The following SALL1 variants were observed in gnomAD, a reference collection of about 807,000 sequenced individuals.
The protein encoded by SALL1 is spalt like transcription factor 1.
SALL1 carries 10 observed loss-of-function variants against 73.1 expected under a neutral mutation model. The ratio of observed to expected loss-of-function variants is 0.14; its 90% CI spans 0.08 to 0.23. SALL1 has a LOEUF of 0.23. Ranked by LOEUF, SALL1 falls within the 10% of genes least tolerant of loss-of-function variation. SALL1 has a pLI of 1.00. For missense variants in SALL1, 1,520 were observed against 1,697.3 expected, an observed-to-expected ratio of 0.90 and a Z score of 1.84; for synonymous variants, 688 against 689.8, an observed-to-expected ratio of 1.00 and a Z score of 0.04.
chr16:51,145,871 A>C (rs970874213), intron 1 of SALL1, among the ~76,000 whole-genome samples: 13 of 152,110 alleles, frequency 8.5e-5, no homozygotes, highest in African/African-American at 2.9e-4. Context: ...CATTATCTTA[A>C]GATTGCATTT....
intron 1 of SALL1, chr16:51,149,415 G>A (rs991906630): frequency 1.3e-5 from 2 of 152,228 alleles, no homozygotes; most frequent in Admixed American, 1.3e-4. Context: ...AGATGAGTGT[G>A]ACTGCGGGAA....
rs1962592326 is a variant in SALL1 at position 51,151,038 on chromosome 16, A to G, written c.76+128T>C. The G allele has an allele frequency of 5.9e-6, 3 of 509,670 alleles. No homozygotes were observed. In the African/African-American group the frequency reaches 6.0e-5, roughly 10 times the overall value. The allele number at this position is 509,670 out of a possible 1,614,324, so 31.6% of individuals were successfully genotyped here. On this transcript the variant is annotated intron_variant, in intron 1 of 2. Coordinates refer to ENST00000251020, the MANE Select transcript of SALL1 (RefSeq NM_002968.3). ...AGAAAAAAAAAATTACGCCGAGTGG[A>G]AGAAGCAATCGGGGCCGCGGCGGCG...
intron 2 of SALL1, among the ~76,000 whole-genome samples, chr16:51,138,137 A>G (rs1724003512): frequency 6.6e-6 from 1 of 152,230 alleles, no homozygotes; most frequent in Non-Finnish European, 1.5e-5. Context: ...CTAGAACTTA[A>G]GCATATTTGC....
intron 1 of SALL1, among the ~76,000 whole-genome samples, chr16:51,150,146 G>C (rs955340824): frequency 2.0e-5 from 3 of 152,184 alleles, no homozygotes; most frequent in African/African-American, 4.8e-5. Context: ...CCAACTCCCT[G>C]CCCGGATCTC....
chr16:51,148,796 T>C (rs1962553966), intron 1 of SALL1, among the ~76,000 whole-genome samples: 1 of 152,172 alleles, frequency 6.6e-6, no homozygotes, highest in African/African-American at 2.4e-5. Flanking sequence ...TGAAACCCTA[T>C]TACAAAATCT....
intron 2 of SALL1, among the ~76,000 whole-genome samples, 157 bp from the exon 3 acceptor site, chr16:51,137,709 T>C (rs1360728958): frequency 6.6e-6 from 1 of 152,194 alleles, no homozygotes; most frequent in Non-Finnish European, 1.5e-5. Flanking sequence ...TGACAGACAG[T>C]GAAGGCAACA....
At chr16:51,138,406 C>T (rs182731626) in intron 2 of SALL1, among the ~76,000 whole-genome samples, 14 of 152,150 alleles carry the variant, frequency 9.2e-5, no homozygotes, top group Admixed American at 5.2e-4. Context: ...GTGCACTTAG[C>T]GAGACAACAG....
upstream of SALL1, among the ~76,000 whole-genome samples, chr16:51,151,797 G>A (rs1245959540): frequency 6.6e-6 from 1 of 150,982 alleles, no homozygotes; most frequent in Non-Finnish European, 1.5e-5. Context: ...GCCCTCCCCG[G>A]AATTGAGCCG....
At chr16:51,147,207 A>T (rs1962530452) in intron 1 of SALL1, among the ~76,000 whole-genome samples, 1 of 152,264 alleles carries the variant, frequency 6.6e-6, no homozygotes, top group Non-Finnish European at 1.5e-5. Flanking sequence ...AATGTGATGT[A>T]AAATAAACCA....
Position 51,140,677 on chromosome 16 carries a change from C to T in SALL1, c.1545G>A (p.Glu515=), listed in dbSNP as rs1193027469. The change falls in exon 2 of 3, where the codon GAG becomes GAA. Residue 515 remains glutamate (E), a synonymous_variant. Coordinates refer to ENST00000251020, the MANE Select transcript of SALL1 (RefSeq NM_002968.3). This position sits in a 1 kb window ranked among gnomAD's most constrained non-coding sequence, Gnocchi z 5.7. Reference sequence around the variant, plus strand: ...TACTCGTGGGGATATTGTCCAAATGCTCAGGCACAGGATAGGGGTTCATCT... The same window carrying T: ...TACTCGTGGGGATATTGTCCAAATGTTCAGGCACAGGATAGGGGTTCATCT... The part of the protein sequence containing the change: ...HIQMNPYPVP[E]HLDNIPTSTG... 6.8e-6 allele frequency: 11 copies of T among 1,614,144 alleles called. No individual in the cohort carries two copies. Among genetic ancestry groups the T allele is most frequent in the Non-Finnish European group, 8.5e-6 (10 of 1,180,022 alleles).
At chr16:51,150,294 C>T in intron 1 of SALL1, 1 of 696,414 alleles carries the variant, frequency 1.4e-6, no homozygotes. Flanking sequence ...GCTGGCCACC[C>T]GCAAACCTGG....
intron 1 of SALL1, among the ~76,000 whole-genome samples, chr16:51,147,655 A>G (rs1023281380): frequency 1.3e-5 from 2 of 152,108 alleles, no homozygotes; most frequent in African/African-American, 4.8e-5. Context: ...TCATTCTTCC[A>G]ATATTATCTT....
Position 51,138,811 on chromosome 16 carries a change from G to T in SALL1, c.3411C>A (p.Asn1137Lys), listed in dbSNP as rs1251994624. ...PRRTPKQHYC[N>K]TCGKTFSSSS... Reference sequence around the variant, plus strand: ...ATGAGGAGAAGGTTTTGCCACATGTGTTGCAGTAGTGCTGCTTGGGAGTTC... The same window carrying T: ...ATGAGGAGAAGGTTTTGCCACATGTTTTGCAGTAGTGCTGCTTGGGAGTTC... The change falls in exon 2 of 3, where the codon AAC becomes AAA. Residue 1137 changes from asparagine (N) to lysine (K), a missense_variant. By Grantham distance (94) the Asn-to-Lys change is moderately conservative. Around this residue, in one of 7 missense-constraint regions of SALL1, gnomAD observed 318 missense variants for 357.1 expected, o/e 0.89. Coordinates refer to ENST00000251020, the MANE Select transcript of SALL1 (RefSeq NM_002968.3). The T allele has an allele frequency of 5.0e-6, 8 of 1,614,254 alleles. No individual in the cohort carries two copies. In the South Asian group the frequency reaches 8.8e-5, roughly 18 times the overall value.
chr16:51,142,279 A>G (rs1962455782), intron 1 of SALL1, 134 bp from the exon 2 acceptor site: 1 of 710,806 alleles, frequency 1.4e-6, no homozygotes, highest in African/African-American at 1.8e-5. Flanking sequence ...AAACCAATCA[A>G]TATTACCTAA....
intron 1 of SALL1, chr16:51,150,725 G>C: frequency 2.4e-6 from 1 of 420,634 alleles, no homozygotes; most frequent in East Asian, 1.5e-4. Flanking sequence ...CAGCAAGGCC[G>C]GGCGGCGGAG....
intron 1 of SALL1, among the ~76,000 whole-genome samples, chr16:51,148,965 C>T (rs1048279373): frequency 2.0e-5 from 3 of 151,932 alleles, no homozygotes; most frequent in Non-Finnish European, 4.4e-5. Context: ...CAGTTTACTG[C>T]TTCTTTAGGA....
In SALL1 at chr16:51,139,203, C is replaced by T. The variant is rs1962364979; in HGVS notation, c.3019G>A (p.Gly1007Ser). Reference protein sequence around the residue: ...KFKNTACDICGKTFACQSALD... With the variant: ...KFKNTACDICSKTFACQSALD... ...GCACTCTGACAAGCAAATGTTTTGC[C>T]ACAAATGTCACAAGCAGTGTTTTTA... is the stretch of plus-strand genomic sequence containing the variant. Residue 1007 changes from glycine (G) to serine (S), a missense_variant, in exon 2 of 3, where the codon GGC becomes AGC. Around this residue, in one of 7 missense-constraint regions of SALL1, gnomAD observed 266 missense variants for 275.1 expected, o/e 0.97. Transcript: ENST00000251020. 1.2e-6 allele frequency: 2 copies of T among 1,614,160 alleles called. No individual in the cohort carries two copies. The highest frequency in any genetic ancestry group is 1.7e-6 in the Non-Finnish European group (2 of 1,180,044).
Position 51,140,578 on chromosome 16 carries a change from C to A in SALL1, c.1644G>T (p.Leu548=). ...VTSWLDTKPV[L]PTLTTSVGLP... is the part of the protein sequence containing the mutation. ...GGCCGACTGAAGTGGTCAGAGTAGG[C>A]AGGACTGGTTTGGTGTCTAGCCAGC... The change falls in exon 2 of 3, where the codon CTG becomes CTT. Residue 548 remains leucine, a synonymous_variant. Transcript: ENST00000251020. This position sits in a 1 kb window ranked among gnomAD's most constrained non-coding sequence, Gnocchi z 5.7. The A allele has an allele frequency of 6.2e-7, 1 of 1,613,978 alleles. No individual in the cohort carries two copies. The highest frequency in any genetic ancestry group is 8.5e-7 in the Non-Finnish European group (1 of 1,179,944).
rs1430757664 is a variant in SALL1, at chr16:51,139,667, G to T, written c.2555C>A (p.Ser852Tyr). 6.2e-7 allele frequency: 1 copy of T among 1,614,230 alleles called. No individual in the cohort carries two copies. Among genetic ancestry groups the T allele is most frequent in the Non-Finnish European group, 8.5e-7 (1 of 1,180,036 alleles). ...KSADASQDSL[S>Y]SSPLPLEMSS... ...CATCTCGAGGGGCAAAGGCGAAGAG[G>T]ATAAGCTGTCTTGGGAGGCGTCTGC... The change falls in exon 2 of 3, where the codon TCC (serine) becomes TAC (tyrosine). Residue 852 changes from serine to tyrosine, a missense_variant. Physicochemically the swap from Ser to Tyr is moderately radical, Grantham distance 144 (BLOSUM62 -2). Coordinates refer to ENST00000251020, the MANE Select transcript of SALL1 (RefSeq NM_002968.3).
Sources: gnomAD v4.1 joint callset for allele counts (sites outside exome capture counted in the v4.1 genomes callset) on GRCh38, gnomAD v4.1.1 for gene constraint, gnomAD v4.1.1 regional missense constraint, Gnocchi (gnomAD v3.1) non-coding constraint, MANE v1.5 for transcripts, NCBI Gene and HGNC (gene_info 2026-07-23, HGNC 2026-07-21) for gene names.